The following ERI1 variants were observed in gnomAD, a reference collection of about 807,000 sequenced individuals.
ERI1 encodes the protein exoribonuclease 1.
A neutral mutation model predicts 39.7 loss-of-function variants in ERI1; 39 were observed. The observed-to-expected ratio is 0.98, with a 90% CI of 0.76 to 1.28. ERI1 has a LOEUF of 1.28. Ranked by LOEUF, ERI1 falls within the 50% of genes most tolerant of loss-of-function variation. The probability of loss-of-function intolerance (pLI) is 0.00; values close to 1 mark genes in which losing one functional copy is unlikely to be tolerated. For synonymous variants in ERI1, 204 were observed against 149.6 expected (o/e 1.36, Z -2.65); for missense variants, 581 against 416.9 (o/e 1.39, Z -3.43).
At chr8:9,096,443 C>A (rs182890576) in intron 3 of ERI1, among the ~76,000 whole-genome samples, 1 of 152,136 alleles carries the variant, frequency 6.6e-6, no homozygotes, top group Non-Finnish European at 1.5e-5. Context: ...GCCAAGTACC[C>A]CAGAAGCAAT....
At chr8:9,083,144 C>T (rs547628485) in intron 3 of ERI1, among the ~76,000 whole-genome samples, 29 of 152,294 alleles carry the variant, frequency 1.9e-4, no homozygotes, top group African/African-American at 5.5e-4. Flanking sequence ...GAGCTTTTAT[C>T]GCTCCATTGA....
At chr8:9,060,601 A>G (rs1798661081) in intron 3 of ERI1, among the ~76,000 whole-genome samples, 1 of 152,180 alleles carries the variant, frequency 6.6e-6, no homozygotes, top group Non-Finnish European at 1.5e-5. Flanking sequence ...TTATGAAATG[A>G]CCACAGAATA....
At chr8:9,017,765 C>G (rs1448172531) in intron 4 of ERI1, among the ~76,000 whole-genome samples, 38 of 152,152 alleles carry the variant, frequency 2.5e-4, no homozygotes, top group Non-Finnish European at 5.9e-5. Flanking sequence ...TCCAGATAGG[C>G]AGAGGCAATC....
intron 3 of ERI1, among the ~76,000 whole-genome samples, chr8:9,084,160 G>T (rs1181603327): frequency 6.6e-6 from 1 of 152,090 alleles, no homozygotes; most frequent in African/African-American, 2.4e-5. Flanking sequence ...TACTTGGGAG[G>T]CTGAGGCAGG....
intron 3 of ERI1, among the ~76,000 whole-genome samples, chr8:9,086,425 A>C (rs865864933): frequency 6.6e-6 from 1 of 151,990 alleles, no homozygotes; most frequent in Non-Finnish European, 1.5e-5. Context: ...TGATGTGCAC[A>C]TGTAGTCCCA....
chr8:9,012,661 C>T (rs907805170), intron 3 of ERI1, among the ~76,000 whole-genome samples: 2 of 152,192 alleles, frequency 1.3e-5, no homozygotes, highest in Admixed American at 6.5e-5. Flanking sequence ...TTTTACTTCT[C>T]TCTTACTCAA....
chr8:9,034,160 C>T (rs1011317995), downstream of ERI1, among the ~76,000 whole-genome samples: 1 of 152,208 alleles, frequency 6.6e-6, no homozygotes, highest in Admixed American at 6.5e-5. Context: ...TTCTGGATTC[C>T]TTACCAAGAC....
At chr8:9,033,971 C>G (rs186117964), downstream of ERI1, among the ~76,000 whole-genome samples, 294 of 152,342 alleles carry the variant, frequency 1.9e-3, 1 homozygote, top group Non-Finnish European at 3.0e-3. Flanking sequence ...CTGTTAACTT[C>G]TAATGTGACC....
chr8:9,045,019 C>T (rs1414558520), intron 3 of ERI1, among the ~76,000 whole-genome samples: 1 of 151,986 alleles, frequency 6.6e-6, no homozygotes, highest in Non-Finnish European at 1.5e-5. Flanking sequence ...AGGCGGATCA[C>T]GAGGTCAGGA....
At chr8:9,013,983 C>T (rs535516366) in intron 3 of ERI1, among the ~76,000 whole-genome samples, 5 of 152,246 alleles carry the variant, frequency 3.3e-5, no homozygotes, top group East Asian at 1.9e-4. Flanking sequence ...TGTCTGTGTC[C>T]GCCTACAACC....
At chr8:9,005,318 G>A (rs1448091728) in intron 1 of ERI1, among the ~76,000 whole-genome samples, 1 of 152,040 alleles carries the variant, frequency 6.6e-6, no homozygotes, top group Non-Finnish European at 1.5e-5. Flanking sequence ...TATTTGACAA[G>A]CAGTTACTTT....
chr8:9,003,468 C>T (rs766273205), intron 1 of ERI1, among the ~76,000 whole-genome samples: 2 of 152,216 alleles, frequency 1.3e-5, no homozygotes, highest in African/African-American at 2.4e-5. Flanking sequence ...TTCACGGTTG[C>T]TGTTGTCACT....
chr8:9,003,025 G>A lies in ERI1; in HGVS notation c.-39G>A. The A allele has an allele frequency of 2.5e-6, 3 of 1,188,754 alleles. No individual in the cohort carries two copies. Among genetic ancestry groups the A allele is most frequent in the Non-Finnish European group, 3.2e-6 (3 of 936,066 alleles). 73.6% of individuals were successfully genotyped at this position (1,188,754 alleles called of 1,614,324 possible). On this transcript the variant is annotated 5_prime_UTR_variant, in exon 1 of 7. Transcript: ENST00000250263. ...CTCTGCAGAGTGAGAGTTAGCAAGTGTCCGGCTCCAGCAACTCTCCTCTGG... is the reference window on the plus strand; with the variant it reads ...CTCTGCAGAGTGAGAGTTAGCAAGTATCCGGCTCCAGCAACTCTCCTCTGG...
At chr8:9,067,696 A>T (rs1451752037) in intron 3 of ERI1, among the ~76,000 whole-genome samples, 1 of 151,048 alleles carries the variant, frequency 6.6e-6, no homozygotes, top group African/African-American at 2.4e-5. Flanking sequence ...CATAACATGG[A>T]TAAGGCCTTA....
chr8:9,087,583 T>A (rs1319448195), intron 3 of ERI1, among the ~76,000 whole-genome samples: 2 of 152,158 alleles, frequency 1.3e-5, no homozygotes, highest in Non-Finnish European at 2.9e-5. Context: ...TTTTATTTTT[T>A]ATTTTTATAC....
At chr8:9,055,271 G>A (rs967359086) in intron 3 of ERI1, among the ~76,000 whole-genome samples, 2 of 152,196 alleles carry the variant, frequency 1.3e-5, no homozygotes, top group African/African-American at 4.8e-5. Flanking sequence ...CTCAGTGATT[G>A]GCACAAGAGA....
At chr8:9,087,447 G>C (rs1488433956) in intron 3 of ERI1, among the ~76,000 whole-genome samples, 3 of 118,732 alleles carry the variant, frequency 2.5e-5, no homozygotes, top group Admixed American at 1.1e-4. Flanking sequence ...ATTTTTAGTA[G>C]AGACAGGGTT....
chr8:9,079,991 CAAAA>C (rs35227058), intron 3 of ERI1, among the ~76,000 whole-genome samples: 5 of 114,828 alleles, frequency 4.4e-5, no homozygotes, highest in Admixed American at 9.4e-5. Context: ...TTTTTAAAGA[CAAAA>C]AAAAAAAAAA....
chr8:9,046,342 G>T (rs1038303972), intron 3 of ERI1, among the ~76,000 whole-genome samples: 1 of 152,218 alleles, frequency 6.6e-6, no homozygotes, highest in Non-Finnish European at 1.5e-5. Context: ...AGCAGAGAGA[G>T]ACATGAGCAG....
Sources: gnomAD v4.1 joint callset for allele counts (sites outside exome capture counted in the v4.1 genomes callset) on GRCh38, gnomAD v4.1.1 for gene constraint, MANE v1.5 for transcripts, NCBI Gene and HGNC (gene_info 2026-07-23, HGNC 2026-07-21) for gene names.